LRP1B: variants seen among roughly 807,000 people sequenced by gnomAD.
LRP1B encodes low-density lipoprotein receptor-related protein 1B.
Under a neutral mutation model 556.6 loss-of-function variants are expected in LRP1B, and 217 were observed. The observed-to-expected ratio is 0.39, with a 90% CI of 0.35 to 0.44. The LOEUF (loss-of-function observed/expected upper bound fraction) is 0.44. Among genes scored for constraint, LRP1B ranks in the 20% least tolerant of loss-of-function variants. LRP1B has a pLI of 1.00. For synonymous variants in LRP1B, 2,047 were observed against 1,865.8 expected, an observed-to-expected ratio of 1.10 and a Z score of -2.50; for missense variants, 5,053 against 5,620.8, an observed-to-expected ratio of 0.90 and a Z score of 3.23.
chr2:140,791,609 G>A (rs1388060897), intron 32 of LRP1B, among the ~76,000 whole-genome samples: 1 of 152,090 alleles, frequency 6.6e-6, no homozygotes, highest in Non-Finnish European at 1.5e-5. Flanking sequence ...ATTCAACCAA[G>A]TGCTATGTCT....
At chr2:140,911,731 T>C (rs1021102611) in intron 21 of LRP1B, among the ~76,000 whole-genome samples, 8 of 151,818 alleles carry the variant, frequency 5.3e-5, no homozygotes, top group African/African-American at 1.7e-4. Context: ...TTCAAGAATA[T>C]ACAAATTCCC....
intron 31 of LRP1B, among the ~76,000 whole-genome samples, chr2:140,815,143 TAA>T (rs556152392): frequency 6.4e-5 from 9 of 141,004 alleles, no homozygotes; most frequent in Admixed American, 7.1e-5. Flanking sequence ...TTCCTTCCCT[TAA>T]AAAAAAAAAA....
chr2:141,590,982 C>T (rs1001113068), intron 2 of LRP1B, among the ~76,000 whole-genome samples: 3 of 152,168 alleles, frequency 2.0e-5, no homozygotes, highest in Non-Finnish European at 4.4e-5. Context: ...TCTTTCTTTG[C>T]CTCCTTGGCT....
intron 35 of LRP1B, among the ~76,000 whole-genome samples, chr2:140,768,938 A>G (rs1297497167): frequency 6.6e-6 from 1 of 151,948 alleles, no homozygotes; most frequent in Non-Finnish European, 1.5e-5. Context: ...AAAATAAAAA[A>G]GAGAGAGAAA....
intron 2 of LRP1B, among the ~76,000 whole-genome samples, chr2:141,752,943 C>CAAAAAAAAAAAAA (rs1406424286): frequency 2.0e-3 from 2 of 992 alleles, no homozygotes; most frequent in Non-Finnish European, 5.2e-3. Context: ...GACCCTGTCT[C>CAAAAAAAAAAAAA]AGAAAAAAAA....
At chr2:141,911,532 A>G (rs1223674375) in intron 1 of LRP1B, among the ~76,000 whole-genome samples, 1 of 152,180 alleles carries the variant, frequency 6.6e-6, no homozygotes, top group East Asian at 1.9e-4. Context: ...TATATCCCAA[A>G]TAAGCAGAAT....
intron 35 of LRP1B, among the ~76,000 whole-genome samples, chr2:140,761,704 A>C (rs1161599247): frequency 6.6e-6 from 1 of 152,124 alleles, no homozygotes; most frequent in Non-Finnish European, 1.5e-5. Flanking sequence ...CCCATGAGCG[A>C]GCTTGGTAGT....
intron 41 of LRP1B, among the ~76,000 whole-genome samples, chr2:140,618,724 G>A (rs1212151429): frequency 2.6e-5 from 4 of 152,002 alleles, no homozygotes; most frequent in Non-Finnish European, 5.9e-5. Flanking sequence ...TGAGATTGAG[G>A]TCAAGAGTGT....
At chr2:140,867,261 G>GT (rs1332445766) in intron 27 of LRP1B, among the ~76,000 whole-genome samples, 1 of 151,946 alleles carries the variant, frequency 6.6e-6, no homozygotes, top group Non-Finnish European at 1.5e-5. Context: ...CAGGCAAATG[G>GT]TTCACCCTTT....
chr2:140,594,476 T>A (rs186761357), intron 43 of LRP1B, among the ~76,000 whole-genome samples: 1 of 152,210 alleles, frequency 6.6e-6, no homozygotes, highest in African/African-American at 2.4e-5. Context: ...CCTAAAGATA[T>A]TCAAAAGAAG....
At chr2:140,863,667 G>GC (rs1004975171) in intron 27 of LRP1B, among the ~76,000 whole-genome samples, 1 of 152,084 alleles carries the variant, frequency 6.6e-6, no homozygotes, top group Non-Finnish European at 1.5e-5. Flanking sequence ...TTAGTAATTT[G>GC]CCTCAGGTAA....
chr2:140,278,040 C>T (rs1227879213), intron 84 of LRP1B, among the ~76,000 whole-genome samples: 1 of 145,340 alleles, frequency 6.9e-6, no homozygotes, highest in African/African-American at 2.8e-5. Flanking sequence ...TATACAAACA[C>T]ACACACACAC....
At chr2:141,008,072 T>G (rs112859990) in intron 14 of LRP1B, among the ~76,000 whole-genome samples, 3,487 of 151,480 alleles carry the variant, frequency 0.023, 68 homozygotes, top group Non-Finnish European at 0.032. Context: ...TATGATAGTA[T>G]TTTTTGAAGT....
intron 1 of LRP1B, among the ~76,000 whole-genome samples, chr2:141,913,769 T>A (rs549466191): frequency 6.6e-6 from 1 of 152,102 alleles, no homozygotes; most frequent in African/African-American, 2.4e-5. Flanking sequence ...TTTTTTAAGA[T>A]GGAGTCTCAC....
chr2:141,973,467 G>C (rs981415377), intron 1 of LRP1B, among the ~76,000 whole-genome samples: 3 of 151,738 alleles, frequency 2.0e-5, no homozygotes. Context: ...CCTGAGACCA[G>C]AAGGAAAAGA....
At chr2:140,880,881 T>G (rs1019837346) in intron 25 of LRP1B, among the ~76,000 whole-genome samples, 3 of 152,164 alleles carry the variant, frequency 2.0e-5, no homozygotes, top group African/African-American at 7.2e-5. Context: ...ATGCATGCAT[T>G]CATTTGTTTA....
At chr2:140,597,781 C>T (rs1413335420) in intron 43 of LRP1B, among the ~76,000 whole-genome samples, 3 of 152,046 alleles carry the variant, frequency 2.0e-5, no homozygotes, top group East Asian at 1.9e-4. Context: ...GTGTTAGTGC[C>T]GTGAAACACT....
At chr2:140,462,302 T>C (rs1396645236) in intron 60 of LRP1B, among the ~76,000 whole-genome samples, 7 of 152,222 alleles carry the variant, frequency 4.6e-5, no homozygotes, top group African/African-American at 9.6e-5. Flanking sequence ...ATCTCTTTTA[T>C]ATTAGTCAGA....
chr2:140,953,925 TC>T (rs1188771145), intron 18 of LRP1B, among the ~76,000 whole-genome samples: 1 of 152,170 alleles, frequency 6.6e-6, no homozygotes, highest in Non-Finnish European at 1.5e-5. Context: ...TATCTCACTT[TC>T]CCTTACCATC....
Sources: gnomAD v4.1 joint callset for allele counts (sites outside exome capture counted in the v4.1 genomes callset) on GRCh38, gnomAD v4.1.1 for gene constraint, MANE v1.5 for transcripts, NCBI Gene and HGNC (gene_info 2026-07-23, HGNC 2026-07-21) for gene names.